Variants in HRH1 observed in about 807,000 individuals in gnomAD.
The protein encoded by HRH1 is histamine H1 receptor.
A neutral mutation model predicts 10.3 loss-of-function variants in HRH1; 6 were observed. That is an observed-to-expected ratio of 0.58 (90% confidence interval 0.32 to 1.15). HRH1 has a LOEUF of 1.15. HRH1 is among the 50% of genes most tolerant of loss of function. HRH1 has a pLI of 0.05. For synonymous variants in HRH1, 242 were observed against 236.7 expected (o/e 1.02, Z -0.21); for missense variants, 514 against 615.3 (o/e 0.84, Z 1.74).
intron 1 of HRH1, among the ~76,000 whole-genome samples, chr3:11,213,877 G>A (rs940227694): frequency 6.6e-6 from 1 of 152,202 alleles, no homozygotes; most frequent in Non-Finnish European, 1.5e-5. Flanking sequence ...AAATAAGGTA[G>A]AATGTGCTAA....
intron 1 of HRH1, among the ~76,000 whole-genome samples, chr3:11,139,569 C>G (rs537585708): frequency 1.5e-3 from 225 of 152,228 alleles, no homozygotes; most frequent in Middle Eastern, 3.4e-3. Flanking sequence ...CGTGAGCCAC[C>G]GTGACCCGCC....
rs11323741 is a variant in HRH1, at chr3:11,223,337, CAA to C, written c.-35-35655_-35-35654del. ...TGAAACCCCATCTCTACTAAAAATA[CAA>C]AAAAAAAAAATCAGCCGGGGGTGGT... On this transcript the variant is annotated intron_variant, in intron 1 of 1. Coordinates refer to ENST00000431010, the MANE Select transcript of HRH1 (RefSeq NM_001098212.2). Among the ~76,000 whole-genome samples, 66 of 145,776 alleles carry C rather than the reference CAA, an allele frequency of 4.5e-4. No individual in the cohort carries two copies. The South Asian group carries it at 4.5e-3, about 10-fold the overall frequency.
intron 1 of HRH1, among the ~76,000 whole-genome samples, chr3:11,242,331 A>C (rs530797846): frequency 6.6e-6 from 1 of 152,102 alleles, no homozygotes; most frequent in Admixed American, 6.5e-5. Context: ...AATTCAAAAA[A>C]TTAGCCGGCC....
At chr3:11,165,876 T>C (rs1408055048) in intron 1 of HRH1, among the ~76,000 whole-genome samples, 2 of 152,202 alleles carry the variant, frequency 1.3e-5, no homozygotes, top group African/African-American at 4.8e-5. Flanking sequence ...CCTCCCGAGT[T>C]TTCTTGGCAT....
intron 1 of HRH1, among the ~76,000 whole-genome samples, chr3:11,196,396 G>A (rs980797359): frequency 9.9e-5 from 15 of 152,152 alleles, no homozygotes; most frequent in African/African-American, 3.4e-4. Context: ...ACATTTGTCC[G>A]TGTGATTCCT....
intron 1 of HRH1, among the ~76,000 whole-genome samples, chr3:11,237,600 A>C (rs1383477819): frequency 6.7e-6 from 1 of 150,054 alleles, no homozygotes; most frequent in Non-Finnish European, 1.5e-5. Flanking sequence ...GGATTAAACG[A>C]TGCAATATGG....
intron 1 of HRH1, among the ~76,000 whole-genome samples, chr3:11,173,776 C>T (rs561951415): frequency 1.3e-5 from 2 of 152,264 alleles, no homozygotes; most frequent in South Asian, 4.1e-4. Context: ...AATTCATCTT[C>T]TGTGGGACTC....
chr3:11,187,108 G>A (rs1429173074), intron 1 of HRH1, among the ~76,000 whole-genome samples: 1 of 152,164 alleles, frequency 6.6e-6, no homozygotes, highest in African/African-American at 2.4e-5. Flanking sequence ...AGCCTCAGAG[G>A]AGGCTGGGGC....
intron 1 of HRH1, among the ~76,000 whole-genome samples, chr3:11,200,598 C>T (rs967946555): frequency 6.6e-6 from 1 of 152,156 alleles, no homozygotes; most frequent in East Asian, 1.9e-4. Flanking sequence ...GTGAGCTCTC[C>T]AAGAGCAGGA....
At chr3:11,159,142 G>A (rs527665857) in intron 1 of HRH1, among the ~76,000 whole-genome samples, 1 of 152,182 alleles carries the variant, frequency 6.6e-6, no homozygotes, top group Non-Finnish European at 1.5e-5. Context: ...CAGCTACTTG[G>A]GGGAATGAGG....
chr3:11,221,895 G>T (rs919718769), intron 1 of HRH1, among the ~76,000 whole-genome samples: 1 of 152,092 alleles, frequency 6.6e-6, no homozygotes, highest in Non-Finnish European at 1.5e-5. Context: ...TGTCCTCAAG[G>T]TTCATCCAGG....
chr3:11,198,473 G>T (rs140865854), intron 1 of HRH1, among the ~76,000 whole-genome samples: 1 of 152,164 alleles, frequency 6.6e-6, no homozygotes, highest in African/African-American at 2.4e-5. Flanking sequence ...AATCGCTGCT[G>T]TTCATTGAAT....
upstream of HRH1, among the ~76,000 whole-genome samples, chr3:11,151,650 G>T (rs1443120741): frequency 6.6e-6 from 1 of 152,024 alleles, no homozygotes; most frequent in Non-Finnish European, 1.5e-5. Flanking sequence ...GGCGCACACT[G>T]CCATGCCCAG....
chr3:11,244,284 C>G (rs1166823113), intron 1 of HRH1, among the ~76,000 whole-genome samples: 5 of 152,252 alleles, frequency 3.3e-5, no homozygotes, highest in Non-Finnish European at 5.9e-5. Context: ...GCAAACAACA[C>G]TTGCATTTAC....
At chr3:11,139,541 A>G (rs1231851977) in intron 1 of HRH1, among the ~76,000 whole-genome samples, 1 of 152,116 alleles carries the variant, frequency 6.6e-6, no homozygotes, top group African/African-American at 2.4e-5. Context: ...CAGCCTCCCA[A>G]AGTGCTGGGA....
At chr3:11,176,181 A>G (rs959401303) in intron 1 of HRH1, among the ~76,000 whole-genome samples, 5 of 151,816 alleles carry the variant, frequency 3.3e-5, no homozygotes, top group South Asian at 2.1e-4. Flanking sequence ...AAAAAAAAAA[A>G]AGAGAGAAAT....
intron 1 of HRH1, among the ~76,000 whole-genome samples, chr3:11,248,292 C>G (rs888299108): frequency 1.2e-4 from 19 of 152,112 alleles, no homozygotes; most frequent in Admixed American, 8.5e-4. Flanking sequence ...ATAATTTATT[C>G]AAGCTACATT....
At chr3:11,183,765 T>C (rs1298943641) in intron 1 of HRH1, among the ~76,000 whole-genome samples, 2 of 150,654 alleles carry the variant, frequency 1.3e-5, no homozygotes, top group Non-Finnish European at 3.0e-5. Context: ...TCGCCCAGGC[T>C]GGAGTGCAGT....
chr3:11,256,741 G>A (rs996547927), intron 1 of HRH1, among the ~76,000 whole-genome samples: 1 of 152,132 alleles, frequency 6.6e-6, no homozygotes, highest in Non-Finnish European at 1.5e-5. Context: ...AGAGGTTGCA[G>A]TGAACCGAGA....
Sources: gnomAD v4.1 joint callset for allele counts (sites outside exome capture counted in the v4.1 genomes callset) on GRCh38, gnomAD v4.1.1 for gene constraint, MANE v1.5 for transcripts, NCBI Gene and HGNC (gene_info 2026-07-23, HGNC 2026-07-21) for gene names.